AFF3: variants seen among roughly 807,000 people sequenced by gnomAD.
AFF3 encodes ALF transcription elongation factor 3, also known as AF4/FMR2 family member 3.
In AFF3, 32 loss-of-function variants were observed where a neutral mutation model predicts 129.7. The ratio of observed to expected loss-of-function variants is 0.25; its 90% CI spans 0.19 to 0.33. AFF3 has a LOEUF of 0.33. AFF3 is among the 10% of genes least tolerant of loss of function. The pLI is 1.00. For missense variants in AFF3, 1,373 were observed against 1,592.0 expected (o/e 0.86, Z 2.34); for synonymous variants, 644 against 635.4 (o/e 1.01, Z -0.20).
chr2:99,727,554 A>G (rs1679457322), intron 10 of AFF3, among the ~76,000 whole-genome samples: 2 of 131,588 alleles, frequency 1.5e-5, no homozygotes, highest in East Asian at 2.4e-4. Flanking sequence ...AACTTGGAGG[A>G]AAGAATTTTT....
intron 24 of AFF3, among the ~76,000 whole-genome samples, chr2:99,553,092 A>G (rs548352025): frequency 6.6e-6 from 1 of 152,184 alleles, no homozygotes; most frequent in South Asian, 2.1e-4. Flanking sequence ...GAGCACCACC[A>G]CACCCGGCTA....
chr2:99,554,169 T>C, intron 24 of AFF3, 142 bp downstream of exon 24: 3 of 860,240 alleles, frequency 3.5e-6, no homozygotes, highest in Non-Finnish European at 3.6e-6. Flanking sequence ...GTTAGTGACA[T>C]GAGAAAATGC....
chr2:99,904,438 A>G (rs1262908227), intron 7 of AFF3, among the ~76,000 whole-genome samples: 5 of 152,038 alleles, frequency 3.3e-5, no homozygotes, highest in African/African-American at 1.2e-4. Flanking sequence ...ATCCAAAAAT[A>G]CACTCTGCCT....
chr2:99,643,967 T>G (rs1010546808), intron 13 of AFF3, among the ~76,000 whole-genome samples: 1 of 152,222 alleles, frequency 6.6e-6, no homozygotes. Flanking sequence ...TCCTTTCTCC[T>G]TGCAAAGGCA....
At chr2:100,138,253 G>A (rs1302944233) in intron 1 of AFF3, among the ~76,000 whole-genome samples, 1 of 152,196 alleles carries the variant, frequency 6.6e-6, no homozygotes, top group Non-Finnish European at 1.5e-5. Context: ...CAAGGGGCAA[G>A]CATGTGATCT....
intron 7 of AFF3, among the ~76,000 whole-genome samples, chr2:99,949,668 T>C (rs1001071411): frequency 7.2e-5 from 11 of 152,176 alleles, no homozygotes; most frequent in Admixed American, 7.2e-4. Flanking sequence ...ATAGGATTCA[T>C]GCTTCTATAA....
intron 8 of AFF3, among the ~76,000 whole-genome samples, chr2:99,765,563 T>C (rs1682943241): frequency 6.6e-6 from 1 of 152,232 alleles, no homozygotes; most frequent in African/African-American, 2.4e-5. Context: ...GTATCAATCA[T>C]TCTATCTTGC....
At chr2:99,868,291 T>C (rs1691595458) in intron 7 of AFF3, among the ~76,000 whole-genome samples, 1 of 152,232 alleles carries the variant, frequency 6.6e-6, no homozygotes, top group African/African-American at 2.4e-5. Context: ...TGATTTTTTT[T>C]TAATGCTAAA....
At chr2:99,926,662 C>T (rs2106275334) in intron 7 of AFF3, among the ~76,000 whole-genome samples, 1 of 150,796 alleles carries the variant, frequency 6.6e-6, no homozygotes, top group Admixed American at 6.6e-5. Flanking sequence ...AAGCAAAGTG[C>T]TTCAGAAGCA....
intron 4 of AFF3, among the ~76,000 whole-genome samples, chr2:100,073,051 C>T (rs79356275): frequency 0.13 from 19,170 of 152,252 alleles, 1,564 homozygotes; most frequent in South Asian, 0.2. Context: ...GACAGGTTCC[C>T]TAACTTCAGC....
chr2:100,045,130 G>C (rs1403445646), intron 4 of AFF3, among the ~76,000 whole-genome samples: 3 of 152,108 alleles, frequency 2.0e-5, no homozygotes, highest in Admixed American at 2.0e-4. Context: ...AGGAAGGGGA[G>C]GGGGACTGGC....
rs370968743 is a variant in AFF3, at chr2:100,007,159, T to C, written c.476A>G (p.Gln159Arg). 7 of 1,614,142 alleles carry C rather than the reference T, an allele frequency of 4.3e-6. No homozygotes were observed. In the African/African-American group the frequency reaches 9.3e-5, roughly 22 times the overall value. ...GTGCCTGTGCTTACTTGCTCTCTGT[T>C]GGCCGTCAGAGGGTGGGTGCCCAGC... ...QKAGHPPSDG[Q>R]QRATQQGSLR... Residue 159 changes from glutamine (Q) to arginine (R), a missense_variant, in exon 6 of 25, where the codon CAA becomes CGA. Coordinates refer to ENST00000672756, the MANE Select transcript of AFF3 (RefSeq NM_001386135.1).
chr2:99,698,874 A>C (rs1338338183), intron 11 of AFF3, among the ~76,000 whole-genome samples: 1 of 152,244 alleles, frequency 6.6e-6, no homozygotes, highest in Non-Finnish European at 1.5e-5. Context: ...TTCTATAAAA[A>C]TATGATTACC....
chr2:100,075,466 T>C (rs1688515383), intron 4 of AFF3, among the ~76,000 whole-genome samples: 1 of 152,152 alleles, frequency 6.6e-6, no homozygotes. Flanking sequence ...TGTGCTTCTC[T>C]TTCTCAGAAC....
At chr2:99,983,125 T>C (rs1679561974) in intron 7 of AFF3, among the ~76,000 whole-genome samples, 1 of 152,244 alleles carries the variant, frequency 6.6e-6, no homozygotes, top group Non-Finnish European at 1.5e-5. Flanking sequence ...ATTAGAAATG[T>C]ATTAAATGAA....
At chr2:99,637,764 GTCTTC>G (rs1683803610) in intron 13 of AFF3, among the ~76,000 whole-genome samples, 1 of 152,170 alleles carries the variant, frequency 6.6e-6, no homozygotes, top group Non-Finnish European at 1.5e-5. Context: ...TGCTAATTAA[GTCTTC>G]TCTCTCTTAA....
intron 7 of AFF3, among the ~76,000 whole-genome samples, chr2:99,958,930 TA>T (rs1676937132): frequency 6.6e-6 from 1 of 151,782 alleles, no homozygotes; most frequent in African/African-American, 2.4e-5. Context: ...CTGGGCAACA[TA>T]GGGGGGCCCA....
At chr2:99,659,581 A>G (rs1297505175) in intron 12 of AFF3, among the ~76,000 whole-genome samples, 1 of 152,116 alleles carries the variant, frequency 6.6e-6, no homozygotes, top group Non-Finnish European at 1.5e-5. Flanking sequence ...ATTTTAGGGG[A>G]AAAAATAGAA....
chr2:100,041,615 G>A (rs7599083), intron 4 of AFF3, among the ~76,000 whole-genome samples: 54,029 of 151,954 alleles, frequency 0.36, 9,753 homozygotes, highest in Middle Eastern at 0.46. Context: ...TGTAGCCACA[G>A]GGGATATACA....
Sources: gnomAD v4.1 joint callset for allele counts (sites outside exome capture counted in the v4.1 genomes callset) on GRCh38, gnomAD v4.1.1 for gene constraint, MANE v1.5 for transcripts, NCBI Gene and HGNC (gene_info 2026-07-23, HGNC 2026-07-21) for gene names.